The following GRIK1 variants were observed in gnomAD, a reference collection of about 807,000 sequenced individuals.
GRIK1 encodes the protein glutamate receptor ionotropic, kainate 1.
Under a neutral mutation model 105.7 loss-of-function variants are expected in GRIK1, and 69 were observed. The observed-to-expected ratio is 0.65, with a 90% CI of 0.54 to 0.80. The LOEUF (loss-of-function observed/expected upper bound fraction) is 0.80, where lower values mean the gene tolerates loss of function less well. Among genes scored for constraint, GRIK1 ranks in the 30% least tolerant of loss-of-function variants. GRIK1 has a pLI of 0.00. For synonymous variants in GRIK1, 438 were observed against 431.3 expected (o/e 1.02, Z -0.19); for missense variants, 1,109 against 1,167.3 (o/e 0.95, Z 0.73).
intron 1 of GRIK1, among the ~76,000 whole-genome samples, chr21:29,844,834 A>T (rs748226404): frequency 6.6e-6 from 1 of 152,148 alleles, no homozygotes; most frequent in Non-Finnish European, 1.5e-5. Context: ...TTTATTTACA[A>T]GTATCTTTTT....
At chr21:29,714,232 C>G (rs1312632802) in intron 1 of GRIK1, among the ~76,000 whole-genome samples, 5 of 151,772 alleles carry the variant, frequency 3.3e-5, no homozygotes, top group African/African-American at 4.8e-5. Context: ...TTTACACACT[C>G]TTCCCATGAT....
chr21:29,825,898 A>G (rs2067439992), intron 1 of GRIK1, among the ~76,000 whole-genome samples: 1 of 152,186 alleles, frequency 6.6e-6, no homozygotes, highest in Non-Finnish European at 1.5e-5. Context: ...TTAGGGAGTG[A>G]TCCTCTCTCT....
At chr21:29,572,770 T>G (rs2090783201) in intron 14 of GRIK1, among the ~76,000 whole-genome samples, 1 of 150,786 alleles carries the variant, frequency 6.6e-6, no homozygotes, top group Non-Finnish European at 1.5e-5. Context: ...TGGTCTTTTT[T>G]TTTTCTTCTT....
intron 1 of GRIK1, among the ~76,000 whole-genome samples, chr21:29,749,797 T>C (rs1360915503): frequency 2.6e-5 from 4 of 152,220 alleles, no homozygotes; most frequent in Non-Finnish European, 4.4e-5. Flanking sequence ...TCTGTGTGAA[T>C]TTCATTAAAT....
chr21:29,677,942 A>C (rs1184912773), intron 3 of GRIK1, among the ~76,000 whole-genome samples: 1 of 152,202 alleles, frequency 6.6e-6, no homozygotes, highest in Admixed American at 6.5e-5. Flanking sequence ...CTTACACCGC[A>C]GTCCAATCCA....
At chr21:29,576,915 C>T in intron 14 of GRIK1, 49 bp downstream of exon 14, 1 of 987,192 alleles carries the variant, frequency 1.0e-6, no homozygotes, top group Non-Finnish European at 1.6e-6. Flanking sequence ...CTTTTATACT[C>T]TACCACAAGT....
intron 1 of GRIK1, among the ~76,000 whole-genome samples, chr21:29,856,830 G>A (rs539796751): frequency 5.3e-5 from 8 of 152,262 alleles, no homozygotes; most frequent in African/African-American, 9.6e-5. Flanking sequence ...GGATGGAGAC[G>A]TGGCAGACAT....
intron 5 of GRIK1, among the ~76,000 whole-genome samples, chr21:29,652,824 G>C (rs1468967194): frequency 6.6e-6 from 1 of 152,138 alleles, no homozygotes; most frequent in Non-Finnish European, 1.5e-5. Context: ...ATGATTACAG[G>C]TACTGAAAAG....
In GRIK1 at chr21:29,685,416, C is replaced by G. The variant is rs145681806; in HGVS notation, c.544+4312G>C. On this transcript the variant is annotated intron_variant, in intron 3 of 17. Transcript: ENST00000327783. ...AAAGTAGGTTTTTCTTAATCATTCA[C>G]AAAATAAAAGCTAAGCAGAATAGGA... is the stretch of plus-strand genomic sequence containing the variant. Among the ~76,000 whole-genome samples, 358 of 151,120 alleles carry G rather than the reference C, an allele frequency of 2.4e-3. 2 individuals are homozygous for G. Among genetic ancestry groups the G allele is most frequent in the Middle Eastern group, 0.017 (5 of 294 alleles).
At chr21:29,785,950 G>A (rs1601692816) in intron 1 of GRIK1, among the ~76,000 whole-genome samples, 2 of 151,860 alleles carry the variant, frequency 1.3e-5, no homozygotes, top group East Asian at 3.9e-4. Flanking sequence ...CCCAATCTCT[G>A]CCTTTGTCTT....
chr21:29,789,110 A>G (rs2066341976), intron 1 of GRIK1, among the ~76,000 whole-genome samples: 1 of 152,210 alleles, frequency 6.6e-6, no homozygotes, highest in African/African-American at 2.4e-5. Flanking sequence ...GTGCTCCTTA[A>G]TATCAGCAAT....
chr21:29,707,018 C>T (rs2063923730), intron 1 of GRIK1, among the ~76,000 whole-genome samples: 1 of 152,198 alleles, frequency 6.6e-6, no homozygotes, highest in Non-Finnish European at 1.5e-5. Context: ...GTGCCCGCCA[C>T]CGCGCCCTGC....
intron 1 of GRIK1, among the ~76,000 whole-genome samples, chr21:29,898,588 G>A (rs754763136): frequency 1.6e-4 from 25 of 152,214 alleles, no homozygotes; most frequent in Middle Eastern, 3.4e-3. Flanking sequence ...TAGTATGTTT[G>A]GTTTCGTACC....
chr21:29,776,484 A>G (rs1016260412), intron 1 of GRIK1, among the ~76,000 whole-genome samples: 2 of 152,222 alleles, frequency 1.3e-5, no homozygotes, highest in Non-Finnish European at 2.9e-5. Context: ...ATATTGCTCA[A>G]TTTTTATTTA....
intron 1 of GRIK1, among the ~76,000 whole-genome samples, chr21:29,829,692 G>T (rs1825894863): frequency 6.6e-6 from 1 of 152,132 alleles, no homozygotes; most frequent in South Asian, 2.1e-4. Flanking sequence ...GCCATGGAAT[G>T]TTGCCTGATA....
intron 8 of GRIK1, chr21:29,597,486 A>T: frequency 3.9e-6 from 1 of 256,046 alleles, no homozygotes; most frequent in South Asian, 5.1e-5. Context: ...GGAAAGACTC[A>T]TGCTTCGAGA....
At chr21:29,578,788 T>C (rs1228202934) in intron 13 of GRIK1, among the ~76,000 whole-genome samples, 1 of 152,144 alleles carries the variant, frequency 6.6e-6, no homozygotes, top group Non-Finnish European at 1.5e-5. Context: ...TGCCCAAGGT[T>C]GTTTCATATC....
intron 1 of GRIK1, among the ~76,000 whole-genome samples, chr21:29,867,797 G>A (rs1253557364): frequency 7.3e-6 from 1 of 137,134 alleles, no homozygotes; most frequent in Non-Finnish European, 1.5e-5. Flanking sequence ...TATGTCGAAA[G>A]AAGAAAGAAA....
intron 1 of GRIK1, among the ~76,000 whole-genome samples, chr21:29,907,144 T>C (rs1192745853): frequency 6.6e-6 from 1 of 152,036 alleles, no homozygotes; most frequent in African/African-American, 2.4e-5. Context: ...TTTTTTTGTT[T>C]TTGTTTTTGT....
Sources: gnomAD v4.1 joint callset for allele counts (sites outside exome capture counted in the v4.1 genomes callset) on GRCh38, gnomAD v4.1.1 for gene constraint, MANE v1.5 for transcripts, NCBI Gene and HGNC (gene_info 2026-07-23, HGNC 2026-07-21) for gene names.